Variants in EGFR observed in about 807,000 individuals in gnomAD.
The protein encoded by EGFR is epidermal growth factor receptor.
A neutral mutation model predicts 143.0 loss-of-function variants in EGFR; 58 were observed. That is an observed-to-expected ratio of 0.41 (90% CI 0.33 to 0.50). The LOEUF (loss-of-function observed/expected upper bound fraction) is 0.50. Ranked by LOEUF, EGFR falls within the 20% of genes least tolerant of loss-of-function variation. The probability of loss-of-function intolerance (pLI) is 0.39; values close to 1 mark genes in which losing one functional copy is unlikely to be tolerated. For synonymous variants in EGFR, 613 were observed against 594.4 expected, an observed-to-expected ratio of 1.03 and a Z score of -0.45; for missense variants, 1,307 against 1,579.0, an observed-to-expected ratio of 0.83 and a Z score of 2.92.
chr7:55,044,259 C>T (rs1788064017), intron 1 of EGFR, among the ~76,000 whole-genome samples: 1 of 152,236 alleles, frequency 6.6e-6, no homozygotes, highest in African/African-American at 2.4e-5. Context: ...GAGAAGGCAG[C>T]TGCTCCAGTC....
chr7:55,152,759 A>T (rs1169781951), intron 6 of EGFR, 95 bp downstream of exon 6: 3 of 1,028,478 alleles, frequency 2.9e-6, no homozygotes, highest in African/African-American at 3.2e-5. Flanking sequence ...GGGAGCTGTC[A>T]ATTAGCATTT....
chr7:55,031,486 T>C (rs1204245975), intron 1 of EGFR, among the ~76,000 whole-genome samples: 1 of 150,292 alleles, frequency 6.7e-6, no homozygotes, highest in Admixed American at 6.7e-5. Flanking sequence ...GATTCTTGTT[T>C]AGATGCAGAG....
chr7:55,076,810 C>G (rs1286448702), intron 1 of EGFR, among the ~76,000 whole-genome samples: 1 of 152,140 alleles, frequency 6.6e-6, no homozygotes, highest in African/African-American at 2.4e-5. Context: ...TCCATCAGAG[C>G]TCTGACCACC....
rs150036236 is a variant in EGFR at position 55,191,741 on chromosome 7, G to A, written c.2492G>A (p.Arg831His). The change falls in exon 21 of 28, where the codon CGT becomes CAT. Residue 831 changes from arginine (R) to histidine (H), a missense_variant. Physicochemically the swap from Arg to His is conservative, Grantham distance 29. Around this residue, in one of 7 missense-constraint regions of EGFR, gnomAD observed 348 missense variants for 451.5 expected, o/e 0.77. Coordinates refer to ENST00000275493, the MANE Select transcript of EGFR (RefSeq NM_005228.5). ...IAKGMNYLED[R>H]RLVHRDLAAR... ...CAGGGCATGAACTACTTGGAGGACC[G>A]TCGCTTGGTGCACCGCGACCTGGCA... 38 of 1,613,834 alleles carry A rather than the reference G, an allele frequency of 2.4e-5. No individual in the cohort carries two copies. The highest frequency in any genetic ancestry group is 1.6e-4 in the Middle Eastern group (1 of 6,084).
intron 1 of EGFR, among the ~76,000 whole-genome samples, chr7:55,071,708 T>C (rs1789842612): frequency 6.6e-6 from 1 of 152,270 alleles, no homozygotes; most frequent in Non-Finnish European, 1.5e-5. Flanking sequence ...TCTGCTTATA[T>C]ACTAATAATA....
chr7:55,024,713 G>A (rs1786781473), intron 1 of EGFR, among the ~76,000 whole-genome samples: 1 of 152,186 alleles, frequency 6.6e-6, no homozygotes, highest in Non-Finnish European at 1.5e-5. Context: ...GAGCCATGAT[G>A]AGTGATTTAC....
chr7:55,143,224 G>T, intron 2 of EGFR, 81 bp from the exon 3 acceptor site: 1 of 1,516,270 alleles, frequency 6.6e-7, no homozygotes, highest in South Asian at 1.1e-5. Context: ...GGGCGTCCTA[G>T]GGCTCCCTGG....
chr7:55,027,434 A>C (rs1786956741), intron 1 of EGFR, among the ~76,000 whole-genome samples: 1 of 152,256 alleles, frequency 6.6e-6, no homozygotes, highest in Non-Finnish European at 1.5e-5. Flanking sequence ...TTATTAAAGT[A>C]GATGCTAAGG....
chr7:55,055,553 A>G (rs978663735), intron 1 of EGFR, among the ~76,000 whole-genome samples: 2 of 152,222 alleles, frequency 1.3e-5, no homozygotes, highest in African/African-American at 4.8e-5. Flanking sequence ...CTGCTGTTGT[A>G]TATAACATAT....
At chr7:55,157,937 C>T (rs1282717166) in intron 11 of EGFR, among the ~76,000 whole-genome samples, 184 bp downstream of exon 11, 1 of 152,210 alleles carries the variant, frequency 6.6e-6, no homozygotes, top group Non-Finnish European at 1.5e-5. Context: ...ACAGGCTGTC[C>T]GCTAAACCAC....
chr7:55,184,813 GAGGGAAATGAAAA>G, intron 20 of EGFR, among the ~76,000 whole-genome samples: 1 of 152,212 alleles, frequency 6.6e-6, no homozygotes, highest in East Asian at 1.9e-4. Context: ...GCTGTCCCTG[GAGGGAAATGAAAA>G]CAGTGATTCC....
intron 1 of EGFR, among the ~76,000 whole-genome samples, chr7:55,140,516 G>A (rs900434640): frequency 6.6e-6 from 1 of 152,164 alleles, no homozygotes; most frequent in Non-Finnish European, 1.5e-5. Context: ...TCACAACCTG[G>A]TACCTACATC....
chr7:55,203,531 ACACATACAC>A (rs1562808551), intron 27 of EGFR, among the ~76,000 whole-genome samples: 1 of 148,632 alleles, frequency 6.7e-6, no homozygotes, highest in Non-Finnish European at 1.5e-5. Flanking sequence ...ATACACACGT[ACACATACAC>A]CACACACACC....
At chr7:55,062,679 G>C (rs1287403532) in intron 1 of EGFR, among the ~76,000 whole-genome samples, 1 of 152,136 alleles carries the variant, frequency 6.6e-6, no homozygotes, top group Non-Finnish European at 1.5e-5. Flanking sequence ...TATTTTATGT[G>C]AAGGTGGTCC....
intron 22 of EGFR, among the ~76,000 whole-genome samples, chr7:55,193,780 A>AT (rs747067216): frequency 6.6e-5 from 10 of 152,138 alleles, no homozygotes; most frequent in Non-Finnish European, 1.3e-4. Flanking sequence ...CAAAAGCAAA[A>AT]TTATTTGGGA....
At chr7:55,025,281 A>G (rs960244940) in intron 1 of EGFR, among the ~76,000 whole-genome samples, 1 of 152,220 alleles carries the variant, frequency 6.6e-6, no homozygotes, top group African/African-American at 2.4e-5. Flanking sequence ...TGCCAGAGAC[A>G]GAGGATGAAG....
In EGFR at chr7:55,173,037, G is replaced by T; in HGVS notation, c.1974G>T (p.Leu658=). ...TGMVGALLLL[L]VVALGIGLFM... is the part of the protein sequence containing the mutation. Reference sequence around the variant, plus strand: ...TGGTGGGGGCCCTCCTCTTGCTGCTGGTGGTGGCCCTGGGGATCGGCCTCT... The same window carrying T: ...TGGTGGGGGCCCTCCTCTTGCTGCTTGTGGTGGCCCTGGGGATCGGCCTCT... Residue 658 remains leucine, a synonymous_variant, in exon 17 of 28, where the codon CTG becomes CTT. Coordinates refer to ENST00000275493, the MANE Select transcript of EGFR (RefSeq NM_005228.5). The T allele has an allele frequency of 6.2e-7, 1 of 1,614,052 alleles. No homozygotes were observed. The highest frequency in any genetic ancestry group is 8.5e-7 in the Non-Finnish European group (1 of 1,180,034).
intron 4 of EGFR, among the ~76,000 whole-genome samples, chr7:55,149,540 G>A (rs1053911694): frequency 7.2e-5 from 11 of 152,124 alleles, no homozygotes; most frequent in East Asian, 3.8e-4. Flanking sequence ...CTGGGGTGTC[G>A]AGAAACAGAA....
intron 1 of EGFR, among the ~76,000 whole-genome samples, chr7:55,063,684 G>A (rs1406555791): frequency 2.0e-5 from 3 of 152,296 alleles, no homozygotes; most frequent in Non-Finnish European, 2.9e-5. Flanking sequence ...GGGCATGGAC[G>A]TAAATACTGG....
Sources: allele counts gnomAD v4.1 joint callset (sites outside exome capture counted in the v4.1 genomes callset), GRCh38; gene constraint gnomAD v4.1.1; regional missense constraint gnomAD v4.1.1; transcripts MANE v1.5; gene names NCBI Gene and HGNC (gene_info 2026-07-23, HGNC 2026-07-21).